The following OSBPL9 variants were observed in gnomAD, a reference collection of about 807,000 sequenced individuals.
OSBPL9 encodes the protein oxysterol binding protein like 9.
Under a neutral mutation model 106.6 loss-of-function variants are expected in OSBPL9, and 40 were observed. That is an observed-to-expected ratio of 0.38 (90% CI 0.29 to 0.49). The LOEUF (loss-of-function observed/expected upper bound fraction) is 0.49, where lower values mean the gene tolerates loss of function less well. Among genes scored for constraint, OSBPL9 ranks in the 20% least tolerant of loss-of-function variants. OSBPL9 has a pLI of 0.97. For missense variants in OSBPL9, 609 were observed against 887.2 expected, an observed-to-expected ratio of 0.69 and a Z score of 3.98; for synonymous variants, 269 against 295.4, an observed-to-expected ratio of 0.91 and a Z score of 0.92.
chr1:51,596,709 G>A (rs1052783201), intron 1 of OSBPL9, among the ~76,000 whole-genome samples: 1 of 152,170 alleles, frequency 6.6e-6, no homozygotes, highest in African/African-American at 2.4e-5. Context: ...GAACCCGGGA[G>A]GCGGAGGTTG....
chr1:51,765,625 C>T, intron 11 of OSBPL9, 197 bp from the exon 12 acceptor site: 1 of 441,174 alleles, frequency 2.3e-6, no homozygotes. Flanking sequence ...ATTTAAAAGG[C>T]TGTGTCCTCA....
At chr1:51,717,885 A>G (rs1661357554) in intron 4 of OSBPL9, among the ~76,000 whole-genome samples, 2 of 152,188 alleles carry the variant, frequency 1.3e-5, no homozygotes, top group African/African-American at 4.8e-5. Flanking sequence ...AAGGCAATCA[A>G]TATACGGAAG....
chr1:51,784,766 C>A, intron 20 of OSBPL9, 184 bp downstream of exon 20: 1 of 693,530 alleles, frequency 1.4e-6, no homozygotes, highest in Non-Finnish European at 2.3e-6. Flanking sequence ...AACATATATT[C>A]AGAGCAGTCA....
In OSBPL9 at chr1:51,746,773, G is replaced by A. The variant is rs1240289645; in HGVS notation, c.462+16G>A. 86 of 1,593,110 alleles carry A rather than the reference G, an allele frequency of 5.4e-5. No homozygotes were observed. Among genetic ancestry groups the A allele is most frequent in the Non-Finnish European group, 6.5e-5 (76 of 1,170,144 alleles). ...ACAGAGAAAGGTAACTTCCATAACC[G>A]TGCTTTTGACGTTAAAAATTTTAAA... On this transcript the variant is annotated intron_variant, in intron 6 of 23. Coordinates refer to ENST00000428468, the MANE Select transcript of OSBPL9 (RefSeq NM_024586.6).
At chr1:51,521,507 G>C in the OSBPL9 span, among the ~76,000 whole-genome samples, 5 of 152,108 alleles carry the variant, frequency 3.3e-5, no homozygotes, top group Non-Finnish European at 7.4e-5. Context: ...ACCTCTTTGA[G>C]CTTCAGTTTC....
At chr1:51,612,989 C>A (rs1643998818), upstream of OSBPL9, among the ~76,000 whole-genome samples, 1 of 152,126 alleles carries the variant, frequency 6.6e-6, no homozygotes, top group African/African-American at 2.4e-5. Flanking sequence ...TGTGATAGTA[C>A]AAATCTTGAA....
chr1:51,662,071 G>A (rs1052199504), intron 2 of OSBPL9, among the ~76,000 whole-genome samples: 5 of 152,154 alleles, frequency 3.3e-5, no homozygotes, highest in East Asian at 1.9e-4. Flanking sequence ...AAACCAGGTC[G>A]TATGGTCACC....
At chr1:51,608,813 T>C (rs2148605566) in intron 2 of OSBPL9, among the ~76,000 whole-genome samples, 1 of 152,022 alleles carries the variant, frequency 6.6e-6, no homozygotes, top group African/African-American at 2.4e-5. Flanking sequence ...ATTCCAGTGA[T>C]GCACCTCCTG....
At chr1:51,675,761 G>A (rs532028316) in intron 3 of OSBPL9, among the ~76,000 whole-genome samples, 6 of 151,838 alleles carry the variant, frequency 4.0e-5, no homozygotes, top group Non-Finnish European at 7.4e-5. Flanking sequence ...CTAATAATTC[G>A]AAAAAAACTA....
intron 1 of OSBPL9, among the ~76,000 whole-genome samples, chr1:51,623,996 C>A (rs952198821): frequency 6.6e-6 from 1 of 151,928 alleles, no homozygotes; most frequent in East Asian, 1.9e-4. Flanking sequence ...CCACTCACTA[C>A]CACCTCCACC....
chr1:51,631,546 GA>G (rs1009743563), intron 1 of OSBPL9, among the ~76,000 whole-genome samples: 3 of 145,452 alleles, frequency 2.1e-5, no homozygotes, highest in African/African-American at 7.6e-5. Context: ...GTCTCAAAAA[GA>G]AAAAAAAAAG....
intron 1 of OSBPL9, among the ~76,000 whole-genome samples, chr1:51,594,470 C>T (rs1416587494): frequency 3.3e-5 from 5 of 151,982 alleles, no homozygotes; most frequent in Admixed American, 6.6e-5. Context: ...TTCACAATCA[C>T]AATCAATGAC....
chr1:51,636,489 T>G (rs1359875697), intron 1 of OSBPL9, among the ~76,000 whole-genome samples: 1 of 151,932 alleles, frequency 6.6e-6, no homozygotes, highest in Non-Finnish European at 1.5e-5. Flanking sequence ...AGGTGCACAC[T>G]GCCACACCAG....
intron 3 of OSBPL9, among the ~76,000 whole-genome samples, chr1:51,675,610 T>C (rs927289711): frequency 6.6e-6 from 1 of 152,098 alleles, no homozygotes. Context: ...GTGGAACTGC[T>C]AACAGGCTCA....
At chr1:51,616,305 CT>C (rs1373793597), upstream of OSBPL9, among the ~76,000 whole-genome samples, 2 of 152,114 alleles carry the variant, frequency 1.3e-5, no homozygotes, top group Non-Finnish European at 2.9e-5. Flanking sequence ...TAAATTGCCC[CT>C]GTAGGCTGTT....
chr1:51,603,873 A>T (rs1643912516), intron 2 of OSBPL9, among the ~76,000 whole-genome samples: 1 of 152,166 alleles, frequency 6.6e-6, no homozygotes, highest in African/African-American at 2.4e-5. Flanking sequence ...TCAATAATGT[A>T]TACATTATTA....
upstream of OSBPL9, among the ~76,000 whole-genome samples, chr1:51,576,163 A>T (rs1645182580): frequency 6.6e-6 from 1 of 152,220 alleles, no homozygotes; most frequent in Non-Finnish European, 1.5e-5. Flanking sequence ...GGCCCAGCTG[A>T]AAAAATTCTA....
At chr1:51,621,186 C>A (rs1438964584) in intron 1 of OSBPL9, among the ~76,000 whole-genome samples, 2 of 152,266 alleles carry the variant, frequency 1.3e-5, no homozygotes, top group East Asian at 3.9e-4. Flanking sequence ...GAGCAGATCC[C>A]AGATTATTAT....
chr1:51,665,707 A>C (rs1208782452), intron 2 of OSBPL9, among the ~76,000 whole-genome samples: 1 of 152,188 alleles, frequency 6.6e-6, no homozygotes, highest in Non-Finnish European at 1.5e-5. Context: ...GGAGACTGTT[A>C]GCTAGGTTCG....
Sources: gnomAD v4.1 joint callset for allele counts (sites outside exome capture counted in the v4.1 genomes callset) on GRCh38, gnomAD v4.1.1 for gene constraint, MANE v1.5 for transcripts, NCBI Gene and HGNC (gene_info 2026-07-23, HGNC 2026-07-21) for gene names.